Variants in ARSG observed in about 807,000 individuals in gnomAD.
ARSG encodes ASG.
In ARSG, 37 loss-of-function variants were observed where a neutral mutation model predicts 50.5. The observed-to-expected ratio is 0.73, with a 90% confidence interval of 0.56 to 0.96. ARSG has a LOEUF of 0.96. Among genes scored for constraint, ARSG ranks in the 50% least tolerant of loss-of-function variants. The probability of loss-of-function intolerance (pLI) is 0.00; values close to 1 mark genes in which losing one functional copy is unlikely to be tolerated. For missense variants in ARSG, 629 were observed against 675.3 expected (o/e 0.93, Z 0.76); for synonymous variants, 225 against 254.6 (o/e 0.88, Z 1.11).
At chr17:68,416,236 A>G (rs551390624) in intron 11 of ARSG, among the ~76,000 whole-genome samples, 88 of 152,136 alleles carry the variant, frequency 5.8e-4, no homozygotes, top group Non-Finnish European at 1.5e-4. Flanking sequence ...GTAGTGGTGA[A>G]TTTTCTCAGC....
chr17:68,277,405 C>T (rs2075558979), intron 1 of ARSG, among the ~76,000 whole-genome samples: 1 of 152,024 alleles, frequency 6.6e-6, no homozygotes, highest in East Asian at 1.9e-4. Context: ...GCTGGGATTA[C>T]AGGCGTGAGC....
At chr17:68,387,072 T>C (rs1205080921) in intron 9 of ARSG, among the ~76,000 whole-genome samples, 1 of 127,746 alleles carries the variant, frequency 7.8e-6, no homozygotes, top group East Asian at 2.3e-4. Context: ...ACCTAATATA[T>C]AGTGTATCAC....
At chr17:68,300,622 A>G (rs2076377602) in intron 1 of ARSG, among the ~76,000 whole-genome samples, 1 of 152,142 alleles carries the variant, frequency 6.6e-6, no homozygotes, top group African/African-American at 2.4e-5. Context: ...GCGAGGACAC[A>G]GATATAATTT....
At chr17:68,383,766 G>C (rs2080558900) in intron 8 of ARSG, among the ~76,000 whole-genome samples, 1 of 152,162 alleles carries the variant, frequency 6.6e-6, no homozygotes, top group South Asian at 2.1e-4. Flanking sequence ...TGGGAGACGT[G>C]GCCCTCGATA....
In ARSG at chr17:68,271,135, A is replaced by G; in HGVS notation, c.-552+11709A>G. 1 of 1,614,214 alleles carries G rather than the reference A, an allele frequency of 6.2e-7. No individual in the cohort carries two copies. Among genetic ancestry groups the G allele is most frequent in the Non-Finnish European group, 8.5e-7 (1 of 1,180,042 alleles). On this transcript the variant is annotated intron_variant, in intron 1 of 11. Transcript: ENST00000448504. This position sits in a 1 kb window ranked among gnomAD's most constrained non-coding sequence, Gnocchi z 5.3. ...GACAAAACCAGCTCCGATCCTTCCGAAAACTTCTGCAATGGCCATCGTAGA... is the reference window on the plus strand; with the variant it reads ...GACAAAACCAGCTCCGATCCTTCCGGAAACTTCTGCAATGGCCATCGTAGA...
the ARSG span, chr17:68,433,541 C>A: frequency 6.2e-7 from 1 of 1,613,966 alleles, no homozygotes; most frequent in Non-Finnish European, 8.5e-7. Context: ...AATTGTGAAT[C>A]CATACTGAAC....
At chr17:68,430,028 G>A in the ARSG span, 1 of 1,614,194 alleles carries the variant, frequency 6.2e-7, no homozygotes, top group South Asian at 1.1e-5. Context: ...TCTGTCCGGA[G>A]AAGTTCAAGC....
At chr17:68,268,954 T>C (rs2075239774) in intron 1 of ARSG, 1 of 1,475,738 alleles carries the variant, frequency 6.8e-7, no homozygotes, top group Admixed American at 2.3e-5. Flanking sequence ...ATGTTGGTAG[T>C]GCTCTTCACA....
At chr17:68,386,266 C>G (rs895853335) in intron 9 of ARSG, among the ~76,000 whole-genome samples, 2 of 152,150 alleles carry the variant, frequency 1.3e-5, no homozygotes, top group Non-Finnish European at 2.9e-5. Flanking sequence ...TCCGTAGAAC[C>G]CTGTGCTCAT....
chr17:68,389,034 G>A (rs2080867935), intron 9 of ARSG, among the ~76,000 whole-genome samples: 1 of 152,178 alleles, frequency 6.6e-6, no homozygotes, highest in South Asian at 2.1e-4. Flanking sequence ...GTGTGGAAGA[G>A]GGATTCAGCT....
chr17:68,291,721 G>T (rs980755742), intron 1 of ARSG, among the ~76,000 whole-genome samples, 153 bp downstream of exon 1: 21 of 151,640 alleles, frequency 1.4e-4, no homozygotes, highest in Non-Finnish European at 2.8e-4. Context: ...GAGCGCGAGC[G>T]TGCAGGGTGT....
At chr17:68,426,251 G>GGGGGGGGGGGGGGGGT, downstream of ARSG, 1 of 825,460 alleles carries the variant, frequency 1.2e-6, no homozygotes, top group Non-Finnish European at 1.9e-6. Context: ...GTGGGGAGCG[G>GGGGGGGGGGGGGGGGT]GGGCTCAAAT....
chr17:68,388,793 C>T (rs1049696929), intron 9 of ARSG, among the ~76,000 whole-genome samples: 1 of 151,850 alleles, frequency 6.6e-6, no homozygotes, highest in Admixed American at 6.6e-5. Context: ...GGCGTGGTGG[C>T]GCGTGCCTGT....
the ARSG span, among the ~76,000 whole-genome samples, chr17:68,451,423 A>G: frequency 6.6e-6 from 1 of 152,112 alleles, no homozygotes; most frequent in African/African-American, 2.4e-5. Flanking sequence ...GACAAGCAAG[A>G]CTCCGTCTCA....
At chr17:68,405,780 T>C (rs566772199) in intron 11 of ARSG, among the ~76,000 whole-genome samples, 5 of 152,340 alleles carry the variant, frequency 3.3e-5, no homozygotes, top group East Asian at 1.9e-4. Context: ...TTGTCTCTTA[T>C]AACCCTTTTT....
In ARSG at chr17:68,378,035, C is replaced by T. The variant is rs2080237019; in HGVS notation, c.983-7029C>T. ...GCGGCTTCCTGTCAACTAACTATTC[C>T]ACAGCCTCCTTCTTCCTCTCTGCCT... On this transcript the variant is annotated intron_variant, in intron 8 of 11. Transcript: ENST00000621439. This position sits in a 1 kb window ranked among gnomAD's most constrained non-coding sequence, Gnocchi z 4.4. 6.6e-6 allele frequency among the ~76,000 whole-genome samples: 1 copy of T among 152,182 alleles called. No homozygotes were observed. The highest frequency in any genetic ancestry group is 2.4e-5 in the African/African-American group (1 of 41,432).
chr17:68,412,075 A>G (rs1257635685), intron 11 of ARSG, among the ~76,000 whole-genome samples: 1 of 152,150 alleles, frequency 6.6e-6, no homozygotes, highest in Non-Finnish European at 1.5e-5. Flanking sequence ...TCTTTATCCA[A>G]TTTGCCAGTC....
intron 2 of ARSG, among the ~76,000 whole-genome samples, chr17:68,327,449 G>A (rs1246021729): frequency 6.6e-6 from 1 of 152,070 alleles, no homozygotes; most frequent in Non-Finnish European, 1.5e-5. Flanking sequence ...CCAGCTTTTG[G>A]TAGCTCCAGG....
chr17:68,259,321 ACCT>A (rs1358969469), exon 1 of ARSG: 1 of 152,148 alleles, frequency 6.6e-6, no homozygotes, highest in Admixed American at 6.5e-5. Flanking sequence ...ACCCAGGGTA[ACCT>A]CCTCCACTGC....
Sources: gnomAD v4.1 joint callset for allele counts (sites outside exome capture counted in the v4.1 genomes callset) on GRCh38, gnomAD v4.1.1 for gene constraint, Gnocchi (gnomAD v3.1) non-coding constraint, MANE v1.5 for transcripts, NCBI Gene and HGNC (gene_info 2026-07-23, HGNC 2026-07-21) for gene names.